NRG2: variants seen among roughly 807,000 people sequenced by gnomAD.
NRG2 encodes pro-neuregulin-2, membrane-bound isoform.
NRG2 carries 27 observed loss-of-function variants against 73.9 expected under a neutral mutation model. The ratio of observed to expected loss-of-function variants is 0.37; its 90% CI spans 0.27 to 0.50. NRG2 has a LOEUF of 0.50. NRG2 is among the 20% of genes least tolerant of loss of function. NRG2 has a pLI of 0.96. For missense variants in NRG2, 1,126 were observed against 1,210.1 expected, an observed-to-expected ratio of 0.93 and a Z score of 1.03; for synonymous variants, 532 against 541.0, an observed-to-expected ratio of 0.98 and a Z score of 0.23.
At chr5:139,902,328 G>A (rs1764939001) in intron 1 of NRG2, among the ~76,000 whole-genome samples, 1 of 152,212 alleles carries the variant, frequency 6.6e-6, no homozygotes, top group Non-Finnish European at 1.5e-5. Flanking sequence ...CCTGCACTGA[G>A]GCAGAGGAAA....
At chr5:140,026,604 C>T (rs992831749) in intron 1 of NRG2, among the ~76,000 whole-genome samples, 12 of 151,744 alleles carry the variant, frequency 7.9e-5, no homozygotes, top group African/African-American at 2.9e-4. Flanking sequence ...ACAGTAAGAT[C>T]TCTTCTCCAG....
intron 2 of NRG2, among the ~76,000 whole-genome samples, chr5:139,883,656 C>A (rs1184649950): frequency 6.6e-6 from 1 of 152,174 alleles, no homozygotes; most frequent in African/African-American, 2.4e-5. Flanking sequence ...CTGCCCCTGG[C>A]CCCTCTACTA....
At chr5:140,035,643 C>A (rs914573098) in intron 1 of NRG2, among the ~76,000 whole-genome samples, 16 of 152,198 alleles carry the variant, frequency 1.1e-4, no homozygotes, top group African/African-American at 3.9e-4. Flanking sequence ...GATGTTTAGC[C>A]ATTTTGTGAC....
rs1414668656 is a variant in NRG2 at position 139,851,693 on chromosome 5, T to C, written c.1683A>G (p.Ala561=). 5 of 1,614,044 alleles carry C rather than the reference T, an allele frequency of 3.1e-6. No individual in the cohort carries two copies. The highest frequency in any genetic ancestry group is 8.5e-7 in the Non-Finnish European group (1 of 1,180,026). The change falls in exon 9 of 10, where the codon GCA becomes GCG. Residue 561 remains alanine (A), a synonymous_variant. Coordinates refer to ENST00000361474, the MANE Select transcript of NRG2 (RefSeq NM_004883.3). This position sits in a 1 kb window ranked among gnomAD's most constrained non-coding sequence, Gnocchi z 4.2. ...TGCGCCGCTCCTCCAGGTTGTAGGC[T>C]GCTGCCCGCCTTGCCCGGGCCTCCA... ...ACVEARARRA[A]AYNLEERRRA...
At chr5:140,034,686 AT>A (rs1373106799) in intron 1 of NRG2, among the ~76,000 whole-genome samples, 1 of 152,194 alleles carries the variant, frequency 6.6e-6, no homozygotes, top group African/African-American at 2.4e-5. Context: ...AAACAATGAT[AT>A]TTCTACACAC....
chr5:140,024,759 G>C (rs1015605279), intron 1 of NRG2, among the ~76,000 whole-genome samples: 44 of 152,224 alleles, frequency 2.9e-4, no homozygotes, highest in Non-Finnish European at 5.0e-4. Context: ...GAAGCGGCTC[G>C]GGTTTGAGAC....
At chr5:139,863,786 C>T (rs1176667502) in intron 5 of NRG2, among the ~76,000 whole-genome samples, 1 of 152,196 alleles carries the variant, frequency 6.6e-6, no homozygotes, top group Non-Finnish European at 1.5e-5. Flanking sequence ...ATGTCCTGCC[C>T]ACAGGCTCTG....
chr5:139,859,673 G>A (rs1036609274), intron 5 of NRG2, among the ~76,000 whole-genome samples: 6 of 152,228 alleles, frequency 3.9e-5, no homozygotes, highest in East Asian at 1.9e-4. Context: ...GCAACGGTCC[G>A]AACCCCTGAG....
chr5:139,986,656 A>G (rs1757193750), intron 1 of NRG2, among the ~76,000 whole-genome samples: 1 of 152,194 alleles, frequency 6.6e-6, no homozygotes, highest in African/African-American at 2.4e-5. Context: ...GATGTTCTGT[A>G]AAACATTCTG....
intron 3 of NRG2, among the ~76,000 whole-genome samples, chr5:139,876,938 T>TGTGTGTGTGG (rs1166590562): frequency 6.6e-6 from 1 of 151,158 alleles, no homozygotes; most frequent in Non-Finnish European, 1.5e-5. Context: ...TGTGTGTGTG[T>TGTGTGTGTGG]GTGTGTGTGT....
chr5:139,966,741 G>A (rs144277412), intron 1 of NRG2, among the ~76,000 whole-genome samples: 201 of 152,238 alleles, frequency 1.3e-3, no homozygotes, highest in African/African-American at 4.8e-3. Context: ...CAAGCAGGAG[G>A]ACCTGGAGGG....
At chr5:139,916,137 T>C (rs1467247910) in intron 1 of NRG2, among the ~76,000 whole-genome samples, 1 of 152,094 alleles carries the variant, frequency 6.6e-6, no homozygotes, top group African/African-American at 2.4e-5. Context: ...AACAATGGGG[T>C]GTAGCCTGCA....
rs1340808579 is a variant in NRG2 at position 139,848,478 on chromosome 5, G to A, written c.1992C>T (p.Pro664=). The A allele has an allele frequency of 7.5e-7, 1 of 1,336,282 alleles. No homozygotes were observed. The highest frequency in any genetic ancestry group is 9.4e-7 in the Non-Finnish European group (1 of 1,058,388). 82.8% of individuals were successfully genotyped at this position (1,336,282 alleles called of 1,614,324 possible). A position where few individuals can be genotyped will look rare whatever the true frequency, so the allele number is the denominator to read the frequency against. The stretch of plus-strand genomic sequence containing the variant: ...TGCGCTGCATGTCTGCGCCGGGCCC[G>A]GGCCCGGGCCCGGGTCCGGGTCCCG... ...PGPGPGPGPG[P]GPGADMQRSY... is the part of the protein sequence containing the mutation. The change falls in exon 10 of 10, where the codon CCC becomes CCT. Residue 664 remains proline, a synonymous_variant. Coordinates refer to ENST00000361474, the MANE Select transcript of NRG2 (RefSeq NM_004883.3).
intron 1 of NRG2, among the ~76,000 whole-genome samples, chr5:139,911,808 C>A (rs532478906): frequency 1.3e-5 from 2 of 152,324 alleles, no homozygotes; most frequent in South Asian, 2.1e-4. Context: ...CCTCATCAAG[C>A]TAACTACATA....
intron 6 of NRG2, among the ~76,000 whole-genome samples, chr5:139,854,409 G>T (rs531320514): frequency 6.6e-6 from 1 of 152,388 alleles, no homozygotes; most frequent in Non-Finnish European, 1.5e-5. Context: ...TGGACCACTT[G>T]TTCAGAGCAC....
rs146626714 is a variant in NRG2 at position 139,885,728 on chromosome 5, G to A, written c.872+1612C>T. ...TGTGGGTGTGTGTGTGTGGTGGGGG[G>A]GAATGTGCGGGAGGGAGGGTGAGTA... On this transcript the variant is annotated intron_variant, in intron 2 of 9. Coordinates refer to ENST00000361474, the MANE Select transcript of NRG2 (RefSeq NM_004883.3). Among the ~76,000 whole-genome samples, 40 of 152,110 alleles carry A rather than the reference G, an allele frequency of 2.6e-4. No individual in the cohort carries two copies. The East Asian group carries it at 4.4e-3, about 17-fold the overall frequency.
At chr5:139,948,403 T>C (rs544166262) in intron 1 of NRG2, among the ~76,000 whole-genome samples, 1 of 152,262 alleles carries the variant, frequency 6.6e-6, no homozygotes, top group African/African-American at 2.4e-5. Context: ...TGAGCCACTC[T>C]TTCTCCCACA....
Position 139,887,477 on chromosome 5 carries a change from C to T in NRG2, c.735G>A (p.Gln245=), listed in dbSNP as rs1267650572. The T allele has an allele frequency of 6.2e-7, 1 of 1,614,180 alleles. No individual in the cohort carries two copies. The highest frequency in any genetic ancestry group is 1.1e-5 in the South Asian group (1 of 91,076). The part of the protein sequence containing the change: ...TRPKLKKMKS[Q]TGQVGEKQSL... ...ATTGCTTCTCACCCACCTGTCCCGT[C>T]TGGCTCTTCATCTTCTTCAACTTGG... The change falls in exon 2 of 10, where the codon CAG becomes CAA. Residue 245 remains glutamine (Q), a synonymous_variant. Coordinates refer to ENST00000361474, the MANE Select transcript of NRG2 (RefSeq NM_004883.3). The surrounding 1 kb of genome is among the most constrained non-coding windows in gnomAD (Gnocchi z 4.5).
chr5:140,025,424 T>G (rs556942462), intron 1 of NRG2, among the ~76,000 whole-genome samples: 1 of 152,272 alleles, frequency 6.6e-6, no homozygotes, highest in Non-Finnish European at 1.5e-5. Context: ...CAGAAGAAAC[T>G]GTTTCTTCAC....
Sources: allele counts gnomAD v4.1 joint callset (sites outside exome capture counted in the v4.1 genomes callset), GRCh38; gene constraint gnomAD v4.1.1; non-coding constraint Gnocchi (gnomAD v3.1); transcripts MANE v1.5; gene names NCBI Gene and HGNC (gene_info 2026-07-23, HGNC 2026-07-21).